Variants in PLXNA4 observed in about 807,000 individuals in gnomAD.
The protein encoded by PLXNA4 is plexin A4.
In PLXNA4, 44 loss-of-function variants were observed where a neutral mutation model predicts 191.8. The observed-to-expected ratio is 0.23, with a 90% CI of 0.18 to 0.29. The LOEUF (loss-of-function observed/expected upper bound fraction) is 0.29, where lower values mean the gene tolerates loss of function less well. Ranked by LOEUF, PLXNA4 falls within the 10% of genes least tolerant of loss-of-function variation. The pLI is 1.00. For synonymous variants in PLXNA4, 1,082 were observed against 1,009.5 expected, an observed-to-expected ratio of 1.07 and a Z score of -1.36; for missense variants, 1,800 against 2,488.8, an observed-to-expected ratio of 0.72 and a Z score of 5.89.
At chr7:132,266,408 A>G (rs1799860021) in intron 4 of PLXNA4, 1 of 152,186 alleles carries the variant, frequency 6.6e-6, no homozygotes. Flanking sequence ...CCCCCTTCAA[A>G]TTACTGATTG....
At chr7:132,465,737 A>T (rs1796676393) in intron 3 of PLXNA4, among the ~76,000 whole-genome samples, 2 of 152,182 alleles carry the variant, frequency 1.3e-5, no homozygotes, top group Admixed American at 1.3e-4. Flanking sequence ...GCAATGTGTT[A>T]TCACAAACTT....
chr7:132,128,548 C>G lies in PLXNA4; in HGVS notation c.*1931G>C, dbSNP rs182415809. 6.6e-6 allele frequency: 1 copy of G among 151,736 alleles called. No homozygotes were observed. Among genetic ancestry groups the G allele is most frequent in the African/African-American group, 2.4e-5 (1 of 41,394 alleles). The allele number at this position is 151,736 out of a possible 1,614,324, so 9.4% of individuals were successfully genotyped here. A position where few individuals can be genotyped will look rare whatever the true frequency, so the allele number is the denominator to read the frequency against. On this transcript the variant is annotated 3_prime_UTR_variant, in exon 32 of 32. Coordinates refer to ENST00000321063, the MANE Select transcript of PLXNA4 (RefSeq NM_020911.2). ...AGCAAGGGGAAAGAGAAGGGGAACA[C>G]TTCAAAAATCCTCCTACAAAGGACA... is the stretch of plus-strand genomic sequence containing the variant.
At chr7:132,442,829 C>T (rs1293983447) in intron 3 of PLXNA4, among the ~76,000 whole-genome samples, 2 of 152,208 alleles carry the variant, frequency 1.3e-5, no homozygotes, top group Non-Finnish European at 2.9e-5. Flanking sequence ...TTTACCTTGC[C>T]CTGATCTAGC....
At chr7:132,504,823 G>A (rs943710173) in intron 2 of PLXNA4, among the ~76,000 whole-genome samples, 1 of 152,332 alleles carries the variant, frequency 6.6e-6, no homozygotes, top group South Asian at 2.1e-4. Flanking sequence ...AAGGGAACAA[G>A]AAAACCAACC....
At chr7:132,232,620 T>C (rs1798560705) in intron 5 of PLXNA4, among the ~76,000 whole-genome samples, 1 of 152,158 alleles carries the variant, frequency 6.6e-6, no homozygotes, top group South Asian at 2.1e-4. Flanking sequence ...GGGGTTATTA[T>C]TCAAGCCAGT....
intron 3 of PLXNA4, among the ~76,000 whole-genome samples, chr7:132,348,888 G>GA (rs1803361370): frequency 6.6e-6 from 1 of 152,104 alleles, no homozygotes; most frequent in Non-Finnish European, 1.5e-5. Flanking sequence ...GAGAAAGGTG[G>GA]AAAAAATTTT....
At chr7:132,351,888 G>C (rs1803503767) in intron 3 of PLXNA4, among the ~76,000 whole-genome samples, 1 of 152,162 alleles carries the variant, frequency 6.6e-6, no homozygotes, top group Non-Finnish European at 1.5e-5. Flanking sequence ...AAGAAGAAAA[G>C]AGCATGCAGA....
intron 3 of PLXNA4, among the ~76,000 whole-genome samples, chr7:132,485,647 T>A (rs1797529565): frequency 6.6e-6 from 1 of 152,206 alleles, no homozygotes; most frequent in Non-Finnish European, 1.5e-5. Flanking sequence ...GATTTTTACC[T>A]ATAGTGGAAA....
chr7:132,490,164 C>G (rs771829388), intron 2 of PLXNA4, among the ~76,000 whole-genome samples: 9 of 152,292 alleles, frequency 5.9e-5, no homozygotes, highest in Non-Finnish European at 8.8e-5. Context: ...TCTTTTAGAG[C>G]ATTGTGAAGA....
At chr7:132,502,574 A>G (rs1342596593) in intron 2 of PLXNA4, among the ~76,000 whole-genome samples, 1 of 152,128 alleles carries the variant, frequency 6.6e-6, no homozygotes, top group Non-Finnish European at 1.5e-5. Flanking sequence ...ACGCCCTACA[A>G]TATCAGGCAG....
chr7:132,131,907 G>A (rs1404013394), intron 31 of PLXNA4, among the ~76,000 whole-genome samples: 1 of 152,236 alleles, frequency 6.6e-6, no homozygotes, highest in Non-Finnish European at 1.5e-5. Flanking sequence ...TGGCCTGCAG[G>A]ACTCCAGGCC....
chr7:132,493,011 C>CAGGGGGAGGG (rs1224791911), intron 2 of PLXNA4, among the ~76,000 whole-genome samples: 1 of 152,120 alleles, frequency 6.6e-6, no homozygotes, highest in Non-Finnish European at 1.5e-5. Flanking sequence ...GTACCTGAAG[C>CAGGGGGAGGG]AGGGGGAGGG....
At chr7:132,485,949 G>C (rs991446691) in intron 3 of PLXNA4, among the ~76,000 whole-genome samples, 5 of 152,108 alleles carry the variant, frequency 3.3e-5, no homozygotes, top group Admixed American at 2.0e-4. Context: ...AAAATAAAAA[G>C]TAATTTTGAG....
intron 3 of PLXNA4, among the ~76,000 whole-genome samples, chr7:132,372,876 C>T (rs1804502211): frequency 6.6e-6 from 1 of 152,214 alleles, no homozygotes; most frequent in African/African-American, 2.4e-5. Context: ...AATCTTTGTC[C>T]GTGGGTTCAG....
At position 132,311,191 on chromosome 7, in the gene PLXNA4, T is replaced by C. The variant is rs868720150; in HGVS notation, c.1372-12969A>G. On this transcript the variant is annotated intron_variant, in intron 3 of 31. Transcript: ENST00000321063. ...GTGTGTGTGTGTGTGTGTGTGTGTG[T>C]GTGCGCGTGTGGCCTAAAGGAGGGT... is the stretch of plus-strand genomic sequence containing the variant. 7.3e-4 allele frequency among the ~76,000 whole-genome samples: 94 copies of C among 128,602 alleles called. 1 individual carries two copies. The highest frequency in any genetic ancestry group is 1.3e-3 in the South Asian group (5 of 3,996). 84.4% of individuals were successfully genotyped at this position (128,602 alleles called of 152,430 possible). A position where few individuals can be genotyped will look rare whatever the true frequency, so the allele number is the denominator to read the frequency against.
chr7:132,173,847 C>A (rs984319264), intron 21 of PLXNA4, among the ~76,000 whole-genome samples: 4 of 152,182 alleles, frequency 2.6e-5, no homozygotes, highest in African/African-American at 9.7e-5. Flanking sequence ...TGACATAGCT[C>A]CCCAGAAGTC....
chr7:132,180,813 G>C, intron 18 of PLXNA4, 81 bp from the exon 19 acceptor site: 1 of 1,558,540 alleles, frequency 6.4e-7, no homozygotes, highest in Non-Finnish European at 8.7e-7. Context: ...CTCCCACCTG[G>C]AGGTCCCATC....
At chr7:132,414,242 A>C (rs1794572982) in intron 3 of PLXNA4, among the ~76,000 whole-genome samples, 1 of 152,224 alleles carries the variant, frequency 6.6e-6, no homozygotes, top group African/African-American at 2.4e-5. Context: ...CATAATAGAC[A>C]GTCAGCTGGA....
chr7:132,421,208 C>T (rs1471581266), intron 3 of PLXNA4, among the ~76,000 whole-genome samples: 1 of 152,192 alleles, frequency 6.6e-6, no homozygotes, highest in African/African-American at 2.4e-5. Context: ...CCTTTTGTGT[C>T]TGGCTTATTT....
Sources: allele counts gnomAD v4.1 joint callset (sites outside exome capture counted in the v4.1 genomes callset), GRCh38; gene constraint gnomAD v4.1.1; transcripts MANE v1.5; gene names NCBI Gene and HGNC (gene_info 2026-07-23, HGNC 2026-07-21).